The following FRMD4A variants were observed in gnomAD, a reference collection of about 807,000 sequenced individuals.
The protein encoded by FRMD4A is FERM domain-containing protein 4A.
FRMD4A carries 29 observed loss-of-function variants against 129.1 expected under a neutral mutation model. The observed-to-expected ratio is 0.22, with a 90% CI of 0.17 to 0.31. FRMD4A has a LOEUF of 0.31. Among genes scored for constraint, FRMD4A ranks in the 10% least tolerant of loss-of-function variants. The probability of loss-of-function intolerance (pLI) is 1.00; values close to 1 mark genes in which losing one functional copy is unlikely to be tolerated. For synonymous variants in FRMD4A, 634 were observed against 571.6 expected, an observed-to-expected ratio of 1.11 and a Z score of -1.56; for missense variants, 1,272 against 1,375.8, an observed-to-expected ratio of 0.92 and a Z score of 1.19.
chr10:13,825,840 A>G (rs1305491885), intron 3 of FRMD4A, among the ~76,000 whole-genome samples: 2 of 152,232 alleles, frequency 1.3e-5, no homozygotes, highest in Non-Finnish European at 1.5e-5. Flanking sequence ...CACCGCAGAT[A>G]AGAAGGAACT....
intron 2 of FRMD4A, among the ~76,000 whole-genome samples, chr10:13,969,121 C>T (rs1274036836): frequency 6.6e-6 from 1 of 152,248 alleles, no homozygotes; most frequent in African/African-American, 2.4e-5. Flanking sequence ...TCTGGGCCGC[C>T]TCTTCTTCTC....
At chr10:14,215,179 A>G (rs1843038300) in intron 2 of FRMD4A, among the ~76,000 whole-genome samples, 1 of 152,210 alleles carries the variant, frequency 6.6e-6, no homozygotes, top group Admixed American at 6.5e-5. Context: ...TCTTAACGAA[A>G]AAGCCGTGGA....
In FRMD4A at chr10:13,960,813, T is replaced by C. The variant is rs552605085; in HGVS notation, c.46-101901A>G. Among the ~76,000 whole-genome samples, 4 of 152,236 alleles carry C rather than the reference T, an allele frequency of 2.6e-5. No homozygotes were observed. In the East Asian group the frequency reaches 7.7e-4, roughly 29 times the overall value. ...GAGCCCCACTTCTTGGTCTGACCCA[T>C]AAAAATCTCTCACCAGAGCTCTTCC... On this transcript the variant is annotated intron_variant, in intron 2 of 24. Transcript: ENST00000357447.
In FRMD4A at chr10:13,762,117, G is replaced by C. The variant is rs549721348; in HGVS notation, c.442-448C>G. On this transcript the variant is annotated intron_variant, in intron 7 of 24. Coordinates refer to ENST00000357447, the MANE Select transcript of FRMD4A (RefSeq NM_018027.5). ...AATCCAGTATAATGCCCTGAACATA[G>C]TAGTTGCTCAGTAAATACTTATTGA... is the stretch of plus-strand genomic sequence containing the variant. 7.2e-5 allele frequency among the ~76,000 whole-genome samples: 11 copies of C among 152,304 alleles called. No homozygotes were observed. In the East Asian group the frequency reaches 1.5e-3, roughly 21 times the overall value.
chr10:14,000,900 G>GTA (rs2095640552), intron 2 of FRMD4A, among the ~76,000 whole-genome samples: 1 of 152,132 alleles, frequency 6.6e-6, no homozygotes, highest in Admixed American at 6.5e-5. Flanking sequence ...ACTATCCAGA[G>GTA]ACTCTCCTCA....
intron 2 of FRMD4A, among the ~76,000 whole-genome samples, chr10:14,159,254 T>C (rs1224708851): frequency 1.3e-5 from 2 of 152,364 alleles, no homozygotes; most frequent in East Asian, 1.9e-4. Context: ...AATACAATTA[T>C]GATTTGAGCC....
intron 2 of FRMD4A, among the ~76,000 whole-genome samples, chr10:13,880,612 C>A (rs2094536218): frequency 6.6e-6 from 1 of 152,180 alleles, no homozygotes. Context: ...CCCTGCACCA[C>A]ATGGCTCTGG....
chr10:14,071,127 T>C (rs1327386571), intron 2 of FRMD4A, among the ~76,000 whole-genome samples: 1 of 152,244 alleles, frequency 6.6e-6, no homozygotes, highest in Non-Finnish European at 1.5e-5. Flanking sequence ...TGATTTGCCT[T>C]TCTGATGCCT....
chr10:14,327,918 G>T (rs77997157), intron 2 of FRMD4A, among the ~76,000 whole-genome samples: 499 of 152,250 alleles, frequency 3.3e-3, no homozygotes, highest in South Asian at 9.1e-3. Flanking sequence ...TGAACTCACA[G>T]CCAAAGCAAC....
At chr10:13,930,611 T>A (rs1249751089) in intron 2 of FRMD4A, among the ~76,000 whole-genome samples, 1 of 152,142 alleles carries the variant, frequency 6.6e-6, no homozygotes, top group African/African-American at 2.4e-5. Context: ...AGAGTGTCAC[T>A]GCCAGACGTT....
chr10:13,783,627 C>T (rs1331798107), intron 5 of FRMD4A, among the ~76,000 whole-genome samples: 6 of 151,998 alleles, frequency 3.9e-5, no homozygotes, highest in Non-Finnish European at 7.4e-5. Flanking sequence ...CTCAGCCTCC[C>T]GAAATGCTGG....
At chr10:13,879,892 T>C (rs1358587) in intron 2 of FRMD4A, among the ~76,000 whole-genome samples, 151,424 of 151,626 alleles carry the variant, frequency 1, 75,613 homozygotes, top group Middle Eastern at 1. Context: ...GCGATTCTCC[T>C]ACCTCAGCCT....
At chr10:14,012,598 C>G (rs189529414) in intron 2 of FRMD4A, among the ~76,000 whole-genome samples, 1 of 152,108 alleles carries the variant, frequency 6.6e-6, no homozygotes, top group Non-Finnish European at 1.5e-5. Context: ...GCCGAGCCAA[C>G]GTGTATGCAC....
At chr10:14,316,769 G>C (rs1321975701) in intron 2 of FRMD4A, among the ~76,000 whole-genome samples, 1 of 152,210 alleles carries the variant, frequency 6.6e-6, no homozygotes, top group African/African-American at 2.4e-5. Context: ...TTACAGATAA[G>C]AGCAGAGCCA....
intron 2 of FRMD4A, among the ~76,000 whole-genome samples, chr10:14,255,768 G>A (rs1422591020): frequency 2.6e-5 from 4 of 152,154 alleles, no homozygotes; most frequent in African/African-American, 9.7e-5. Flanking sequence ...CACACTGCGA[G>A]GCCGAGGCAG....
intron 2 of FRMD4A, among the ~76,000 whole-genome samples, chr10:14,047,037 C>T (rs928648491): frequency 9.2e-5 from 14 of 152,244 alleles, no homozygotes; most frequent in Non-Finnish European, 1.9e-4. Flanking sequence ...CTCAGGCCTC[C>T]ACCTCCAATA....
At chr10:14,297,368 G>A (rs1333167823) in intron 2 of FRMD4A, among the ~76,000 whole-genome samples, 1 of 152,096 alleles carries the variant, frequency 6.6e-6, no homozygotes, top group African/African-American at 2.4e-5. Context: ...GTGTCCAGAA[G>A]GATGGGAGTA....
chr10:14,005,888 A>C (rs1189144138), intron 2 of FRMD4A, among the ~76,000 whole-genome samples: 1 of 152,164 alleles, frequency 6.6e-6, no homozygotes. Flanking sequence ...AAAGCAGGGG[A>C]ATGAACTGAA....
intron 6 of FRMD4A, among the ~76,000 whole-genome samples, chr10:13,774,792 C>A (rs2092556347): frequency 6.6e-6 from 1 of 151,456 alleles, no homozygotes; most frequent in Non-Finnish European, 1.5e-5. Flanking sequence ...AAAGAGAGAC[C>A]AACACAAATA....
Sources: allele counts gnomAD v4.1 joint callset (sites outside exome capture counted in the v4.1 genomes callset), GRCh38; gene constraint gnomAD v4.1.1; transcripts MANE v1.5; gene names NCBI Gene and HGNC (gene_info 2026-07-23, HGNC 2026-07-21).